The following DOCK3 variants were observed in gnomAD, a reference collection of about 807,000 sequenced individuals.
DOCK3 encodes dedicator of cytokinesis 3.
In DOCK3, 60 loss-of-function variants were observed where a neutral mutation model predicts 265.6. The observed-to-expected ratio is 0.23, with a 90% confidence interval of 0.18 to 0.28. The LOEUF (loss-of-function observed/expected upper bound fraction) is 0.28. Ranked by LOEUF, DOCK3 falls within the 10% of genes least tolerant of loss-of-function variation. The pLI is 1.00. For synonymous variants in DOCK3, 881 were observed against 938.0 expected (o/e 0.94, Z 1.11); for missense variants, 1,981 against 2,594.3 (o/e 0.76, Z 5.14).
intron 12 of DOCK3, among the ~76,000 whole-genome samples, chr3:51,199,083 C>G (rs2107966376): frequency 6.6e-6 from 1 of 152,278 alleles, no homozygotes; most frequent in South Asian, 2.1e-4. Flanking sequence ...AGGAACACCT[C>G]CGGTCTACAG....
intron 27 of DOCK3, among the ~76,000 whole-genome samples, chr3:51,302,555 G>C (rs2883812): frequency 0.82 from 124,885 of 151,962 alleles, 51,903 homozygotes; most frequent in Middle Eastern, 0.9. Context: ...GCAGTGACTA[G>C]TAATGTTTTC....
chr3:50,765,806 C>T (rs1034993253), intron 1 of DOCK3, among the ~76,000 whole-genome samples: 2 of 152,134 alleles, frequency 1.3e-5, no homozygotes, highest in Non-Finnish European at 2.9e-5. Context: ...TTGAAATATA[C>T]AATACATTAT....
intron 5 of DOCK3, among the ~76,000 whole-genome samples, chr3:50,964,639 T>G (rs1440861752): frequency 6.6e-6 from 1 of 152,046 alleles, no homozygotes; most frequent in Non-Finnish European, 1.5e-5. Flanking sequence ...TGCGACAACT[T>G]CAGGCAGCCT....
At chr3:50,999,471 A>G (rs543492234) in intron 5 of DOCK3, among the ~76,000 whole-genome samples, 2 of 152,290 alleles carry the variant, frequency 1.3e-5, no homozygotes, top group East Asian at 1.9e-4. Context: ...TTACCTTGAA[A>G]CATACATTCT....
intron 12 of DOCK3, among the ~76,000 whole-genome samples, chr3:51,205,893 T>G (rs2089178520): frequency 6.6e-6 from 1 of 152,194 alleles, no homozygotes; most frequent in Non-Finnish European, 1.5e-5. Context: ...ACTGCAAAAT[T>G]TCGAGAGTTC....
intron 7 of DOCK3, among the ~76,000 whole-genome samples, chr3:51,087,801 G>A (rs993717765): frequency 6.6e-6 from 1 of 152,064 alleles, no homozygotes; most frequent in Non-Finnish European, 1.5e-5. Context: ...CACTGTTGGT[G>A]GGAATGTAAA....
At chr3:51,213,310 A>G (rs960663175) in intron 13 of DOCK3, among the ~76,000 whole-genome samples, 2 of 152,170 alleles carry the variant, frequency 1.3e-5, no homozygotes, top group Admixed American at 1.3e-4. Flanking sequence ...TCACAGTTAT[A>G]GAGGTAACAC....
intron 3 of DOCK3, among the ~76,000 whole-genome samples, chr3:50,861,683 T>C (rs1309098232): frequency 6.6e-5 from 10 of 152,108 alleles, no homozygotes; most frequent in Non-Finnish European, 1.3e-4. Context: ...ATGATGGCCT[T>C]CTTTGTCTTT....
intron 2 of DOCK3, among the ~76,000 whole-genome samples, chr3:50,835,560 T>A (rs1470456665): frequency 6.6e-6 from 1 of 152,192 alleles, no homozygotes; most frequent in Admixed American, 6.5e-5. Flanking sequence ...TATTAAAGCC[T>A]CATATCCTAC....
intron 4 of DOCK3, among the ~76,000 whole-genome samples, chr3:50,923,027 C>T (rs2050578687): frequency 6.6e-6 from 1 of 152,152 alleles, no homozygotes; most frequent in Non-Finnish European, 1.5e-5. Context: ...CTTGGTTTTC[C>T]ATTTCTGAGT....
At chr3:51,271,581 C>T (rs550651495) in intron 24 of DOCK3, among the ~76,000 whole-genome samples, 45 of 152,096 alleles carry the variant, frequency 3.0e-4, no homozygotes, top group Non-Finnish European at 5.9e-4. Context: ...AAGGGACTAT[C>T]TCAAGGAAAT....
rs368819970 is a variant in DOCK3, at chr3:50,925,824, C to CTTTTTTTTTTTTTTTTTTTT, written c.219-8152_219-8133dup. The stretch of plus-strand genomic sequence containing the variant: ...TCAGCAGCTACTAGGTAAAACTAGT[C>CTTTTTTTTTTTTTTTTTTTT]TTTTTTTTTTTTTTTTTTTTTTTTG... On this transcript the variant is annotated intron_variant, in intron 4 of 52. Transcript: ENST00000266037. Among the ~76,000 whole-genome samples the CTTTTTTTTTTTTTTTTTTTT allele has an allele frequency of 5.7e-5, 5 of 88,422 alleles. 1 individual carries two copies. The highest frequency in any genetic ancestry group is 2.1e-4 in the African/African-American group (4 of 19,372). The allele number at this position is 88,422 out of a possible 152,430, so 58.0% of individuals were successfully genotyped here. A position where few individuals can be genotyped will look rare whatever the true frequency, so the allele number is the denominator to read the frequency against.
At chr3:51,053,944 CA>C (rs2081100750) in intron 5 of DOCK3, among the ~76,000 whole-genome samples, 2 of 151,630 alleles carry the variant, frequency 1.3e-5, no homozygotes, top group South Asian at 4.2e-4. Flanking sequence ...GGTATTTTAT[CA>C]GTTGAATTTT....
At chr3:51,370,658 A>G (rs1005777310) in intron 49 of DOCK3, among the ~76,000 whole-genome samples, 1 of 152,240 alleles carries the variant, frequency 6.6e-6, no homozygotes, top group Non-Finnish European at 1.5e-5. Context: ...CTGAATAGAG[A>G]GAAATTATCT....
At chr3:51,315,774 C>T (rs1352872141) in intron 32 of DOCK3, among the ~76,000 whole-genome samples, 1 of 152,110 alleles carries the variant, frequency 6.6e-6, no homozygotes, top group Non-Finnish European at 1.5e-5. Context: ...CCACTGTAAG[C>T]AGGCCTGCTT....
chr3:50,845,959 G>A (rs1173892782), intron 3 of DOCK3, among the ~76,000 whole-genome samples: 2 of 152,142 alleles, frequency 1.3e-5, no homozygotes, highest in Non-Finnish European at 2.9e-5. Flanking sequence ...TTATACTGTT[G>A]TCTAATTTTG....
intron 49 of DOCK3, among the ~76,000 whole-genome samples, chr3:51,371,835 T>C (rs1382737215): frequency 1.3e-5 from 2 of 152,210 alleles, no homozygotes; most frequent in African/African-American, 4.8e-5. Context: ...TATGCAGATG[T>C]GGGGTTTTCT....
intron 5 of DOCK3, among the ~76,000 whole-genome samples, chr3:50,956,096 C>G (rs1478386087): frequency 6.6e-6 from 1 of 151,548 alleles, no homozygotes; most frequent in African/African-American, 2.4e-5. Context: ...GGTCAGCCAC[C>G]AGCCACTGTT....
Position 51,214,154 on chromosome 3 carries a change from G to T in DOCK3, c.1159G>T (p.Asp387Tyr), listed in dbSNP as rs780830075. The T allele has an allele frequency of 6.2e-7, 1 of 1,613,844 alleles. No individual in the cohort carries two copies. Among genetic ancestry groups the T allele is most frequent in the Non-Finnish European group, 8.5e-7 (1 of 1,179,836 alleles). Residue 387 changes from aspartate (D) to tyrosine (Y), a missense_variant, in exon 14 of 53, where the codon GAC (aspartate) becomes TAC (tyrosine). This residue lies in a region of DOCK3 where 456 missense variants were observed against 539.0 expected (regional missense o/e 0.85). Coordinates refer to ENST00000266037, the MANE Select transcript of DOCK3 (RefSeq NM_004947.5). Reference sequence around the variant, plus strand: ...CATTTCTCTGCAGCTTCTTCGTGGAGACATGGAACAGATTCGGAGAGAAAA... The same window carrying T: ...CATTTCTCTGCAGCTTCTTCGTGGATACATGGAACAGATTCGGAGAGAAAA... The part of the protein sequence containing the change: ...LIISLQLLRG[D>Y]MEQIRRENPM...
Sources: gnomAD v4.1 joint callset for allele counts (sites outside exome capture counted in the v4.1 genomes callset) on GRCh38, gnomAD v4.1.1 for gene constraint, gnomAD v4.1.1 regional missense constraint, MANE v1.5 for transcripts, NCBI Gene and HGNC (gene_info 2026-07-23, HGNC 2026-07-21) for gene names.